The following AHI1 variants were observed in gnomAD, a reference collection of about 807,000 sequenced individuals.
AHI1 encodes Abelson helper integration site 1.
Under a neutral mutation model 149.3 loss-of-function variants are expected in AHI1, and 123 were observed. The observed-to-expected ratio is 0.82, with a 90% CI of 0.71 to 0.96. AHI1 has a LOEUF of 0.96. Among genes scored for constraint, AHI1 ranks in the 40% least tolerant of loss-of-function variants. AHI1 has a pLI of 0.00. For missense variants in AHI1, 1,439 were observed against 1,422.7 expected (o/e 1.01, Z -0.18); for synonymous variants, 475 against 459.8 (o/e 1.03, Z -0.42).
intron 26 of AHI1, among the ~76,000 whole-genome samples, chr6:135,317,444 C>T (rs1168903666): frequency 6.7e-6 from 1 of 149,538 alleles, no homozygotes; most frequent in African/African-American, 2.5e-5. Context: ...CTTCACTGAC[C>T]TAACACATAT....
At chr6:135,362,037 C>T (rs575116372) in intron 23 of AHI1, among the ~76,000 whole-genome samples, 1 of 152,134 alleles carries the variant, frequency 6.6e-6, no homozygotes, top group East Asian at 1.9e-4. Context: ...TAAGAGTCTC[C>T]AATTCTATCC....
chr6:135,431,419 T>C (rs989959341), intron 16 of AHI1, 105 bp from the exon 17 acceptor site: 1 of 583,340 alleles, frequency 1.7e-6, no homozygotes, highest in African/African-American at 1.9e-5. Context: ...GTCAAAGAAT[T>C]GAAGGGCTAT....
rs117455571 is a variant in AHI1 at position 135,481,311 on chromosome 6, A to C, written c.135+9312T>G. Among the ~76,000 whole-genome samples the C allele has an allele frequency of 1.8e-4, 27 of 152,332 alleles. No homozygotes were observed. The East Asian group carries it at 5.0e-3, about 28-fold the overall frequency. On this transcript the variant is annotated intron_variant, in intron 5 of 28. Coordinates refer to ENST00000265602, the MANE Select transcript of AHI1 (RefSeq NM_001134831.2). ...CAACAGAAAACTAAGACAGTTGTTA[A>C]ATCATTTACTTCTACAAATAAAGGT...
At chr6:135,388,374 C>T (rs1777925711) in intron 23 of AHI1, among the ~76,000 whole-genome samples, 1 of 152,156 alleles carries the variant, frequency 6.6e-6, no homozygotes, top group African/African-American at 2.4e-5. Context: ...CCCCTTATAC[C>T]ATCAGCTGTG....
At chr6:135,465,767 C>CA in intron 7 of AHI1, 47 bp downstream of exon 7, 1 of 1,376,898 alleles carries the variant, frequency 7.3e-7, no homozygotes, top group Non-Finnish European at 9.6e-7. Flanking sequence ...CTGAAAATAA[C>CA]AGTGTTTTTC....
intron 23 of AHI1, among the ~76,000 whole-genome samples, chr6:135,383,089 TTATTTTGTGAATTAAAA>T (rs1259248332): frequency 1.3e-5 from 2 of 149,684 alleles, no homozygotes; most frequent in Non-Finnish European, 3.0e-5. Context: ...AAAAGACCTT[TTATTTTGTGAATTAAAA>T]TATTTTTCAT....
At chr6:135,374,306 G>T (rs1181077860) in intron 23 of AHI1, among the ~76,000 whole-genome samples, 1 of 151,262 alleles carries the variant, frequency 6.6e-6, no homozygotes, top group South Asian at 2.1e-4. Flanking sequence ...TAGAGACGGG[G>T]TCTCAGTGTG....
At chr6:135,325,181 C>G (rs934690569) in intron 24 of AHI1, among the ~76,000 whole-genome samples, 1 of 152,090 alleles carries the variant, frequency 6.6e-6, no homozygotes, top group East Asian at 1.9e-4. Context: ...CGCCCACCAC[C>G]GCGCCTGGCT....
intron 23 of AHI1, among the ~76,000 whole-genome samples, chr6:135,386,379 C>T (rs867919011): frequency 5.6e-4 from 85 of 151,534 alleles, no homozygotes; most frequent in Non-Finnish European, 9.3e-4. Context: ...GGCATGATCT[C>T]GGCTCACTGC....
chr6:135,338,973 A>C (rs1481711622), intron 24 of AHI1, among the ~76,000 whole-genome samples: 1 of 148,908 alleles, frequency 6.7e-6, no homozygotes, highest in Non-Finnish European at 1.5e-5. Flanking sequence ...TGTTGCCCAG[A>C]CTGGAGCGCA....
chr6:135,293,661 A>C (rs1266840775), intron 27 of AHI1, among the ~76,000 whole-genome samples: 2 of 152,188 alleles, frequency 1.3e-5, no homozygotes, highest in South Asian at 4.1e-4. Flanking sequence ...AATCAACCAA[A>C]GACCTATACA....
intron 5 of AHI1, among the ~76,000 whole-genome samples, chr6:135,468,890 G>A (rs1791245665): frequency 6.6e-6 from 1 of 152,088 alleles, no homozygotes; most frequent in African/African-American, 2.4e-5. Context: ...AAAAAGCCCA[G>A]GACCAGATGG....
At chr6:135,403,914 G>A (rs534604761) in intron 22 of AHI1, among the ~76,000 whole-genome samples, 1 of 151,524 alleles carries the variant, frequency 6.6e-6, no homozygotes, top group African/African-American at 2.4e-5. Context: ...GGTAAGTCTT[G>A]TATTTTCTGA....
At chr6:135,449,058 C>CT (rs1190042725) in intron 11 of AHI1, among the ~76,000 whole-genome samples, 2 of 151,880 alleles carry the variant, frequency 1.3e-5, no homozygotes, top group Non-Finnish European at 2.9e-5. Flanking sequence ...GTTTTTGTCT[C>CT]TTTTTTTGGG....
chr6:135,459,740 TAAAAA>T (rs58235668), intron 8 of AHI1, among the ~76,000 whole-genome samples: 2 of 118,554 alleles, frequency 1.7e-5, no homozygotes, highest in Non-Finnish European at 3.5e-5. Context: ...CTGACAGAAG[TAAAAA>T]AAAAAAAAAA....
At chr6:135,361,395 G>A (rs1055270860) in intron 23 of AHI1, among the ~76,000 whole-genome samples, 1 of 152,066 alleles carries the variant, frequency 6.6e-6, no homozygotes, top group Admixed American at 6.6e-5. Context: ...ATTTTGTAGT[G>A]TAAGTCTGCT....
chr6:135,315,670 T>C (rs768529639), intron 26 of AHI1, among the ~76,000 whole-genome samples: 20 of 152,292 alleles, frequency 1.3e-4, no homozygotes, highest in South Asian at 1.2e-3. Flanking sequence ...TCCATTCTTA[T>C]GGTATCCAAA....
At chr6:135,411,260 T>C in intron 21 of AHI1, 88 bp downstream of exon 21, 1 of 1,261,342 alleles carries the variant, frequency 7.9e-7, no homozygotes, top group Non-Finnish European at 1.1e-6. Context: ...GTAATTAACT[T>C]ACTTCATTAA....
intron 23 of AHI1, among the ~76,000 whole-genome samples, chr6:135,386,203 G>A (rs988729316): frequency 2.0e-5 from 3 of 150,514 alleles, no homozygotes; most frequent in Admixed American, 6.6e-5. Flanking sequence ...ATTCCTCCAC[G>A]TATCAGTGCT....
Sources: gnomAD v4.1 joint callset for allele counts (sites outside exome capture counted in the v4.1 genomes callset) on GRCh38, gnomAD v4.1.1 for gene constraint, MANE v1.5 for transcripts, NCBI Gene and HGNC (gene_info 2026-07-23, HGNC 2026-07-21) for gene names.